Variants in MMP26 observed in about 807,000 individuals in gnomAD.
The protein encoded by MMP26 is matrix metalloproteinase-26.
MMP26 carries 33 observed loss-of-function variants against 31.0 expected under a neutral mutation model. The observed-to-expected ratio is 1.06, with a 90% CI of 0.81 to 1.42. The LOEUF (loss-of-function observed/expected upper bound fraction) is 1.42, where lower values mean the gene tolerates loss of function less well. Ranked by LOEUF, MMP26 falls within the 40% of genes most tolerant of loss-of-function variation. The pLI, the probability that MMP26 is intolerant of heterozygous loss-of-function variation, is 0.00. For missense variants in MMP26, 347 were observed against 316.1 expected (o/e 1.10, Z -0.74); for synonymous variants, 122 against 114.9 (o/e 1.06, Z -0.40).
intron 2 of MMP26, among the ~76,000 whole-genome samples, chr11:4,940,379 G>T: frequency 6.6e-6 from 1 of 152,158 alleles, no homozygotes; most frequent in Middle Eastern, 3.4e-3. Context: ...TAATCTCCAC[G>T]ACATCTTATT....
At chr11:4,843,021 C>A (rs1283323961) in intron 2 of MMP26, among the ~76,000 whole-genome samples, 1 of 152,222 alleles carries the variant, frequency 6.6e-6, no homozygotes, top group Non-Finnish European at 1.5e-5. Context: ...TCTCCTCTGA[C>A]CCCATGTCTC....
chr11:4,981,848 G>A (rs912179691), intron 2 of MMP26, among the ~76,000 whole-genome samples: 5 of 146,128 alleles, frequency 3.4e-5, no homozygotes, highest in African/African-American at 1.3e-4. Flanking sequence ...TAAACTTTTT[G>A]TTAGAAACTA....
At chr11:4,750,576 A>T (rs1402195628) in intron 1 of MMP26, among the ~76,000 whole-genome samples, 2 of 152,062 alleles carry the variant, frequency 1.3e-5, no homozygotes, top group Non-Finnish European at 2.9e-5. Flanking sequence ...ATACCATGGA[A>T]TCATACTCAG....
intron 2 of MMP26, among the ~76,000 whole-genome samples, chr11:4,865,036 C>CTATTAT (rs1362091022): frequency 6.6e-6 from 1 of 152,086 alleles, no homozygotes; most frequent in African/African-American, 2.4e-5. Context: ...TCCTTGTTAG[C>CTATTAT]TATTATTAAT....
chr11:4,941,476 A>C (rs977754179), intron 2 of MMP26, among the ~76,000 whole-genome samples: 4 of 152,210 alleles, frequency 2.6e-5, no homozygotes, highest in Non-Finnish European at 5.9e-5. Flanking sequence ...GGTGATAATG[A>C]ATTGCTTTAG....
intron 2 of MMP26, chr11:4,907,745 A>C: frequency 6.2e-7 from 1 of 1,614,098 alleles, no homozygotes; most frequent in Non-Finnish European, 8.5e-7. Context: ...CTTTCTTGCC[A>C]TTCACAATCC....
At chr11:4,907,511 A>G (rs750073858) in intron 2 of MMP26, 2 of 1,613,874 alleles carry the variant, frequency 1.2e-6, no homozygotes, top group East Asian at 2.2e-5. Context: ...CATTCTCTTT[A>G]TTATAAAGAC....
At chr11:4,821,709 A>G in intron 2 of MMP26, 1 of 1,613,912 alleles carries the variant, frequency 6.2e-7, no homozygotes, top group Non-Finnish European at 8.5e-7. Context: ...AAATCAACCT[A>G]AATGCCTGCA....
chr11:4,876,594 G>A (rs1485922629), intron 2 of MMP26: 1 of 152,258 alleles, frequency 6.6e-6, no homozygotes, highest in African/African-American at 2.4e-5. Context: ...AACCACCAGA[G>A]CTTCTTCACC....
rs145663002 is a variant in MMP26 at position 4,782,951 on chromosome 11, A to G, written c.-145+15610A>G. Among the ~76,000 whole-genome samples the G allele has an allele frequency of 1.8e-3, 268 of 152,318 alleles. 2 individuals are homozygous for G. Among genetic ancestry groups the G allele is most frequent in the African/African-American group, 6.2e-3 (256 of 41,574 alleles). On this transcript the variant is annotated intron_variant, in intron 2 of 7. Coordinates refer to ENST00000380390, the MANE Select transcript of MMP26 (RefSeq NM_021801.5). ...CCTCTGCCTAGATTTCAGAAGATGT[A>G]TGGAAATGCCTGGATACCCAGGCAG...
At chr11:4,924,538 A>T (rs1331003935) in intron 2 of MMP26, among the ~76,000 whole-genome samples, 1 of 152,194 alleles carries the variant, frequency 6.6e-6, no homozygotes. Flanking sequence ...TTGATGGATG[A>T]GGAGGCAAAT....
rs966264163 is a variant in MMP26 at position 4,940,259 on chromosome 11, G to A, written c.-144-47809G>A. On this transcript the variant is annotated intron_variant, in intron 2 of 7. Transcript: ENST00000380390. ...ATACAGATATACATCCTTCTCACAC[G>A]TATCATACAGACTGGGCATGCCTGG... Among the ~76,000 whole-genome samples the A allele has an allele frequency of 5.3e-5, 8 of 152,102 alleles. No homozygotes were observed. In the East Asian group the frequency reaches 1.4e-3, roughly 26 times the overall value.
At chr11:4,733,785 T>C (rs1232869083) in intron 1 of MMP26, among the ~76,000 whole-genome samples, 1 of 152,172 alleles carries the variant, frequency 6.6e-6, no homozygotes, top group African/African-American at 2.4e-5. Flanking sequence ...TCAGACTTTC[T>C]CCATTAAGGA....
chr11:4,824,617 CAT>C (rs1849556928), intron 2 of MMP26, among the ~76,000 whole-genome samples: 1 of 152,084 alleles, frequency 6.6e-6, no homozygotes, highest in African/African-American at 2.4e-5. Flanking sequence ...AGAAAATAAT[CAT>C]GTGGTAAATT....
At chr11:4,746,175 G>A (rs773651404) in intron 1 of MMP26, among the ~76,000 whole-genome samples, 2 of 152,090 alleles carry the variant, frequency 1.3e-5, no homozygotes, top group Non-Finnish European at 2.9e-5. Context: ...TTATCATTTC[G>A]AGTATTTTCT....
rs143884421 is a variant in MMP26, at chr11:4,848,535, T to C, written c.-145+81194T>C. The C allele has an allele frequency of 5.0e-6, 8 of 1,612,806 alleles. No homozygotes were observed. The African/African-American group carries it at 5.3e-5, about 11-fold the overall frequency. Reference sequence around the variant, plus strand: ...TTGCAACACCTTGCCAATCAGGCCATAGGAGAAGAAAATAAGCAGGGGGTC... The same window carrying C: ...TTGCAACACCTTGCCAATCAGGCCACAGGAGAAGAAAATAAGCAGGGGGTC... On this transcript the variant is annotated intron_variant, in intron 2 of 7. Transcript: ENST00000380390.
At chr11:4,816,318 A>C (rs1849418484) in intron 2 of MMP26, among the ~76,000 whole-genome samples, 1 of 152,188 alleles carries the variant, frequency 6.6e-6, no homozygotes, top group Non-Finnish European at 1.5e-5. Context: ...TTTCATATGC[A>C]ATCTAGAAGA....
intron 3 of MMP26, among the ~76,000 whole-genome samples, chr11:4,988,743 A>G (rs1336487419): frequency 6.6e-6 from 1 of 152,202 alleles, no homozygotes; most frequent in Non-Finnish European, 1.5e-5. Context: ...TTCTAAAAAA[A>G]TTATGAATTT....
chr11:4,866,264 T>C (rs1337036387), intron 2 of MMP26, among the ~76,000 whole-genome samples: 2 of 152,166 alleles, frequency 1.3e-5, no homozygotes, highest in African/African-American at 4.8e-5. Context: ...AAGAGATTTA[T>C]TTTGAGAAGA....
Sources: allele counts gnomAD v4.1 joint callset (sites outside exome capture counted in the v4.1 genomes callset), GRCh38; gene constraint gnomAD v4.1.1; transcripts MANE v1.5; gene names NCBI Gene and HGNC (gene_info 2026-07-23, HGNC 2026-07-21).